The following GFPT2 variants were observed in gnomAD, a reference collection of about 807,000 sequenced individuals.
GFPT2 encodes glutamine--fructose-6-phosphate transaminase 2.
A neutral mutation model predicts 85.6 loss-of-function variants in GFPT2; 62 were observed. The observed-to-expected ratio is 0.72, with a 90% CI of 0.59 to 0.90. GFPT2 has a LOEUF of 0.90. GFPT2 is among the 40% of genes least tolerant of loss of function. The pLI, the probability that GFPT2 is intolerant of heterozygous loss-of-function variation, is 0.00. For missense variants in GFPT2, 788 were observed against 893.4 expected, an observed-to-expected ratio of 0.88 and a Z score of 1.50; for synonymous variants, 368 against 344.5, an observed-to-expected ratio of 1.07 and a Z score of -0.75.
chr5:180,324,676 A>G, intron 8 of GFPT2, 140 bp downstream of exon 8: 1 of 674,110 alleles, frequency 1.5e-6, no homozygotes, highest in Non-Finnish European at 2.7e-6. Context: ...AAAACCTTTT[A>G]GACCTGGAGC....
Position 180,325,784 on chromosome 5 carries a change from T to C in GFPT2, c.597-889A>G, listed in dbSNP as rs118029182. On this transcript the variant is annotated intron_variant, in intron 7 of 18. Coordinates refer to ENST00000253778, the MANE Select transcript of GFPT2 (RefSeq NM_005110.4). ...GCTCACGCCTGTAATCCCAGCACTT[T>C]GCGGGGCTGAAGCGCGCAGATCACG... 5.7e-3 allele frequency among the ~76,000 whole-genome samples: 863 copies of C among 152,372 alleles called. 20 individuals carry two copies. Among genetic ancestry groups the C allele is most frequent in the South Asian group, 0.048 (232 of 4,832 alleles).
intron 1 of GFPT2, 24 bp downstream of exon 1, chr5:180,353,187 G>C (rs1764751633): frequency 8.1e-7 from 1 of 1,234,114 alleles, no homozygotes; most frequent in South Asian, 4.1e-5. Flanking sequence ...TGGAGGAGGC[G>C]GCTCGGGCGG....
At chr5:180,348,089 ATCTG>A (rs1157437509) in intron 1 of GFPT2, among the ~76,000 whole-genome samples, 3 of 152,090 alleles carry the variant, frequency 2.0e-5, no homozygotes, top group Middle Eastern at 3.2e-3. Context: ...CCCCTCAGAG[ATCTG>A]TCTTTCTCCC....
Position 180,301,081 on chromosome 5 carries a change from T to C in GFPT2, c.*483A>G, listed in dbSNP as rs1393233610. The C allele has an allele frequency of 6.2e-6, 1 of 161,386 alleles. No individual in the cohort carries two copies. 10.0% of individuals were successfully genotyped at this position (161,386 alleles called of 1,614,324 possible). ...AGTCCAGAGGGCCAATGCCTTGTGC[T>C]CACATCTGAGATGAATGCCACCTGC... is the stretch of plus-strand genomic sequence containing the variant. On this transcript the variant is annotated 3_prime_UTR_variant, in exon 19 of 19. Coordinates refer to ENST00000253778, the MANE Select transcript of GFPT2 (RefSeq NM_005110.4).
At chr5:180,352,507 G>A (rs1220388842) in intron 1 of GFPT2, 2 of 447,118 alleles carry the variant, frequency 4.5e-6, no homozygotes, top group Non-Finnish European at 8.9e-6. Context: ...GGGACAGCGC[G>A]GGAGCGCCGC....
At chr5:180,308,961 C>G (rs1400263647) in intron 15 of GFPT2, among the ~76,000 whole-genome samples, 1 of 152,064 alleles carries the variant, frequency 6.6e-6, no homozygotes, top group Non-Finnish European at 1.5e-5. Flanking sequence ...CCTCGGCCAC[C>G]CGGGTTCAAG....
chr5:180,351,509 G>A (rs1321214956), intron 1 of GFPT2, among the ~76,000 whole-genome samples: 1 of 152,040 alleles, frequency 6.6e-6, no homozygotes, highest in Non-Finnish European at 1.5e-5. Context: ...CTGGCTCCGA[G>A]TGGGCACCCC....
chr5:180,330,945 C>T lies in GFPT2; in HGVS notation c.400-111G>A, dbSNP rs1764289697. 2.0e-6 allele frequency: 2 copies of T among 975,980 alleles called. No individual in the cohort carries two copies. Among genetic ancestry groups the T allele is most frequent in the South Asian group, 3.3e-5 (2 of 60,556 alleles). The allele number at this position is 975,980 out of a possible 1,614,324, so 60.5% of individuals were successfully genotyped here. ...CCCTTGGAGTGACTTAAGTCAAGAA[C>T]AGGGAAAACCGGGAAGGGGGGAAAA... On this transcript the variant is annotated intron_variant, in intron 5 of 18. Transcript: ENST00000253778. The surrounding 1 kb of genome is among the most constrained non-coding windows in gnomAD (Gnocchi z 4.4).
Position 180,330,998 on chromosome 5 carries a change from C to G in GFPT2, c.400-164G>C. 1.6e-6 allele frequency: 1 copy of G among 623,226 alleles called. No individual in the cohort carries two copies. The highest frequency in any genetic ancestry group is 2.8e-6 in the Non-Finnish European group (1 of 359,408). 38.6% of individuals were successfully genotyped at this position (623,226 alleles called of 1,614,324 possible). On this transcript the variant is annotated intron_variant, in intron 5 of 18. Transcript: ENST00000253778. The surrounding 1 kb of genome is among the most constrained non-coding windows in gnomAD (Gnocchi z 4.4). ...GTTTGCCAGCATCACAGCCAAATACCTCTGAGTCACTCCCGGAGGCCCTGA... is the reference window on the plus strand; with the variant it reads ...GTTTGCCAGCATCACAGCCAAATACGTCTGAGTCACTCCCGGAGGCCCTGA...
chr5:180,348,250 G>A (rs1256609549), intron 1 of GFPT2, among the ~76,000 whole-genome samples: 1 of 152,242 alleles, frequency 6.6e-6, no homozygotes, highest in Non-Finnish European at 1.5e-5. Context: ...CTCAATGAGG[G>A]CTCGTGAAAT....
intron 7 of GFPT2, among the ~76,000 whole-genome samples, chr5:180,327,276 G>A (rs1383458218): frequency 6.6e-6 from 1 of 152,196 alleles, no homozygotes; most frequent in East Asian, 1.9e-4. Context: ...CTGGAGCAGT[G>A]TCCATACCAC....
intron 1 of GFPT2, among the ~76,000 whole-genome samples, chr5:180,341,907 GAT>G (rs1318559113): frequency 2.0e-5 from 3 of 152,146 alleles, no homozygotes; most frequent in African/African-American, 7.2e-5. Flanking sequence ...TTTTTAAAAA[GAT>G]AGTTATTTTT....
rs1764754484 is a variant in GFPT2 at position 180,353,287 on chromosome 5, G to A, written c.-70C>T. On this transcript the variant is annotated 5_prime_UTR_variant, in exon 1 of 19. Coordinates refer to ENST00000253778, the MANE Select transcript of GFPT2 (RefSeq NM_005110.4). ...CGTTCGGACGCTGGGGCTCCTCCGT[G>A]GGCTCCTCCGTGGGCTCCGTGGGCT... The A allele has an allele frequency of 6.8e-6, 8 of 1,174,956 alleles. No individual in the cohort carries two copies. Among genetic ancestry groups the A allele is most frequent in the Middle Eastern group, 2.6e-4 (1 of 3,820 alleles). The allele number at this position is 1,174,956 out of a possible 1,614,324, so 72.8% of individuals were successfully genotyped here.
In GFPT2 at chr5:180,307,290, T is replaced by C. The variant is rs372147122; in HGVS notation, c.1560A>G (p.Glu520=). The part of the protein sequence containing the change: ...GLRSLPELIK[E]VLSLEEKIHD... ...GGATCTTCTCCTCCAGAGACAGCAC[T>C]TCCTTGATCAGCTCTGGGCCATGCA... The change falls in exon 16 of 19, where the codon GAA becomes GAG. Residue 520 remains glutamate, a synonymous_variant. Transcript: ENST00000253778. 1 of 1,613,856 alleles carries C rather than the reference T, an allele frequency of 6.2e-7. No individual in the cohort carries two copies.
chr5:180,335,720 G>T, intron 4 of GFPT2, 108 bp downstream of exon 4: 1 of 1,140,094 alleles, frequency 8.8e-7, no homozygotes, highest in South Asian at 1.4e-5. Flanking sequence ...GATGAAGTAG[G>T]CTGAGAAGTC....
chr5:180,346,485 C>T (rs542149699), intron 1 of GFPT2, among the ~76,000 whole-genome samples: 4 of 152,316 alleles, frequency 2.6e-5, no homozygotes, highest in South Asian at 4.1e-4. Flanking sequence ...ACCAGGGCCT[C>T]GGTGACCACG....
chr5:180,309,854 A>T (rs1763846083), intron 15 of GFPT2, among the ~76,000 whole-genome samples: 3 of 150,536 alleles, frequency 2.0e-5, no homozygotes, highest in Admixed American at 6.6e-5. Context: ...TCTGTCACCC[A>T]GGCTGGAGTG....
chr5:180,333,894 A>AT (rs1764352820), intron 4 of GFPT2, among the ~76,000 whole-genome samples: 1 of 151,826 alleles, frequency 6.6e-6, no homozygotes, highest in African/African-American at 2.4e-5. Context: ...GAAGTGGGGG[A>AT]TTTTCCAATG....
rs962513789 is a variant in GFPT2, at chr5:180,312,658, G to A, written c.1432-114C>T. The A allele has an allele frequency of 1.9e-5, 12 of 634,226 alleles. No homozygotes were observed. In the East Asian group the frequency reaches 2.0e-4, roughly 10 times the overall value. 39.3% of individuals were successfully genotyped at this position (634,226 alleles called of 1,614,324 possible). A position where few individuals can be genotyped will look rare whatever the true frequency, so the allele number is the denominator to read the frequency against. ...CGCCTGAGTGCAGTGGCGAGATCACGGCTCACTGCAGCCTCAACCTCCTCA... is the reference window on the plus strand; with the variant it reads ...CGCCTGAGTGCAGTGGCGAGATCACAGCTCACTGCAGCCTCAACCTCCTCA... On this transcript the variant is annotated intron_variant, in intron 14 of 18. Transcript: ENST00000253778.
Sources: gnomAD v4.1 joint callset for allele counts (sites outside exome capture counted in the v4.1 genomes callset) on GRCh38, gnomAD v4.1.1 for gene constraint, Gnocchi (gnomAD v3.1) non-coding constraint, MANE v1.5 for transcripts, NCBI Gene and HGNC (gene_info 2026-07-23, HGNC 2026-07-21) for gene names.